The following SERPINB10 variants were observed in gnomAD, a reference collection of about 807,000 sequenced individuals.
The protein encoded by SERPINB10 is serpin family B member 10, also known as serpin B10.
In SERPINB10, 35 loss-of-function variants were observed where a neutral mutation model predicts 39.1. The ratio of observed to expected loss-of-function variants is 0.90; its 90% CI spans 0.68 to 1.19. SERPINB10 has a LOEUF of 1.19. Ranked by LOEUF, SERPINB10 falls within the 50% of genes most tolerant of loss-of-function variation. The pLI is 0.00. For missense variants in SERPINB10, 546 were observed against 460.5 expected (o/e 1.19, Z -1.70); for synonymous variants, 190 against 158.1 (o/e 1.20, Z -1.52).
rs1373781080 is a variant in SERPINB10 at position 63,933,177 on chromosome 18, C to A, written c.763C>A (p.Pro255Thr). Residue 255 changes from proline (P) to threonine (T), a missense_variant, in exon 7 of 8, where the codon CCA becomes ACA. Coordinates refer to ENST00000238508, the MANE Select transcript of SERPINB10 (RefSeq NM_005024.3). ...TGACCTCAGCCTGCTTATACTACTG[C>A]CAGAAGACATTAATGGGCTGGAACA... ...SRDLSLLILL[P>T]EDINGLEQLE... 6.2e-7 allele frequency: 1 copy of A among 1,613,958 alleles called. No homozygotes were observed. Among genetic ancestry groups the A allele is most frequent in the Non-Finnish European group, 8.5e-7 (1 of 1,179,926 alleles).
rs1393300464 is a variant in SERPINB10, at chr18:63,918,135, AAAAG to A, written c.372+39_372+42del. The stretch of plus-strand genomic sequence containing the variant: ...CAAATGTCTTATTTTAAGCTAATGG[AAAAG>A]AAAGAGCAATGTGAGACCAATCAGT... On this transcript the variant is annotated intron_variant, in intron 4 of 7. Transcript: ENST00000238508. 6.2e-6 allele frequency: 10 copies of A among 1,608,148 alleles called. No individual in the cohort carries two copies. The South Asian group carries it at 1.1e-4, about 18-fold the overall frequency.
At chr18:63,926,258 A>G (rs1329589866) in intron 5 of SERPINB10, among the ~76,000 whole-genome samples, 1 of 151,862 alleles carries the variant, frequency 6.6e-6, no homozygotes, top group Non-Finnish European at 1.5e-5. Flanking sequence ...GCATTGGTAC[A>G]TGGCTTCCTC....
chr18:63,908,137 C>G (rs2050038798), intron 1 of SERPINB10, 97 bp downstream of exon 1: 1 of 215,732 alleles, frequency 4.6e-6, no homozygotes, highest in Non-Finnish European at 1.1e-5. Flanking sequence ...CCCCTTCCCC[C>G]AAAAAAGTCC....
intron 1 of SERPINB10, among the ~76,000 whole-genome samples, chr18:63,912,618 G>T (rs935912850): frequency 1.8e-4 from 27 of 152,084 alleles, no homozygotes; most frequent in Admixed American, 1.4e-3. Flanking sequence ...TAGTACTCCA[G>T]GAACAAAGCC....
At position 63,934,953 on chromosome 18, in the gene SERPINB10, T is replaced by G. The variant is rs1391627554; in HGVS notation, c.905T>G (p.Leu302Arg). Reference sequence around the variant, plus strand: ...TTCAAGCTGGAAGACAGTTATGATCTCAAGTCAACCCTGAGCAGTATGGGG... The same window carrying G: ...TTCAAGCTGGAAGACAGTTATGATCGCAAGTCAACCCTGAGCAGTATGGGG... ...PKFKLEDSYD[L>R]KSTLSSMGMS... Residue 302 changes from leucine (L) to arginine (R), a missense_variant, in exon 8 of 8, where the codon CTC becomes CGC. Coordinates refer to ENST00000238508, the MANE Select transcript of SERPINB10 (RefSeq NM_005024.3). 6.2e-7 allele frequency: 1 copy of G among 1,614,222 alleles called. No homozygotes were observed. Among genetic ancestry groups the G allele is most frequent in the South Asian group, 1.1e-5 (1 of 91,088 alleles).
Position 63,935,039 on chromosome 18 carries a change from C to A in SERPINB10, c.991C>A (p.Leu331Ile). 6.2e-7 allele frequency: 1 copy of A among 1,614,136 alleles called. No individual in the cohort carries two copies. The highest frequency in any genetic ancestry group is 8.5e-7 in the Non-Finnish European group (1 of 1,179,994). ...CTCAGGAATGTCTTCAGCAAGAAAC[C>A]TATTTTTGTCCAATGTTTTCCATAA... ...DFSGMSSARN[L>I]FLSNVFHKAF... Residue 331 changes from leucine to isoleucine, a missense_variant, in exon 8 of 8, where the codon CTA (leucine) becomes ATA (isoleucine). Coordinates refer to ENST00000238508, the MANE Select transcript of SERPINB10 (RefSeq NM_005024.3).
At chr18:63,923,733 T>C (rs1326232376) in intron 5 of SERPINB10, among the ~76,000 whole-genome samples, 3 of 151,928 alleles carry the variant, frequency 2.0e-5, no homozygotes, top group Non-Finnish European at 4.4e-5. Flanking sequence ...TTTCATTCTG[T>C]CCCTTCTTGC....
chr18:63,934,153 T>A (rs1476925246), intron 7 of SERPINB10, among the ~76,000 whole-genome samples: 1 of 152,166 alleles, frequency 6.6e-6, no homozygotes, highest in Admixed American at 6.5e-5. Flanking sequence ...GCATGTGCAT[T>A]GAAACAAACA....
At chr18:63,933,664 ATTTG>A (rs1261566452) in intron 7 of SERPINB10, among the ~76,000 whole-genome samples, 1 of 152,204 alleles carries the variant, frequency 6.6e-6, no homozygotes, top group East Asian at 1.9e-4. Context: ...TCCAAAACTT[ATTTG>A]TTGAACATTT....
intron 1 of SERPINB10, among the ~76,000 whole-genome samples, chr18:63,913,762 T>A (rs1335919767): frequency 6.6e-6 from 1 of 151,900 alleles, no homozygotes; most frequent in Non-Finnish European, 1.5e-5. Context: ...ATGGCTGGAG[T>A]ATTCTGTAGA....
intron 5 of SERPINB10, among the ~76,000 whole-genome samples, chr18:63,922,641 G>A (rs2050154277): frequency 6.6e-6 from 1 of 151,954 alleles, no homozygotes; most frequent in Non-Finnish European, 1.5e-5. Flanking sequence ...ACATAAGCAT[G>A]GCTCTTAGGG....
Position 63,915,422 on chromosome 18 carries a change from A to G in SERPINB10, c.-9-80A>G, listed in dbSNP as rs555777405. ...GACAATGTATATGGATATGTATGCAACTATGAATACATATTTTTTCAAAGG... is the reference window on the plus strand; with the variant it reads ...GACAATGTATATGGATATGTATGCAGCTATGAATACATATTTTTTCAAAGG... On this transcript the variant is annotated intron_variant, in intron 1 of 7. Transcript: ENST00000238508. The G allele has an allele frequency of 3.0e-6, 3 of 1,014,492 alleles. No individual in the cohort carries two copies. In the African/African-American group the frequency reaches 4.9e-5, roughly 17 times the overall value. The allele number at this position is 1,014,492 out of a possible 1,614,324, so 62.8% of individuals were successfully genotyped here.
intron 5 of SERPINB10, among the ~76,000 whole-genome samples, chr18:63,925,417 A>G (rs73961819): frequency 0.01 from 1,553 of 152,106 alleles, 21 homozygotes; most frequent in African/African-American, 0.036. Context: ...AAATGGTGGT[A>G]ACAGAGCTGG....
At chr18:63,923,233 G>A (rs2050158770) in intron 5 of SERPINB10, among the ~76,000 whole-genome samples, 1 of 151,998 alleles carries the variant, frequency 6.6e-6, no homozygotes, top group African/African-American at 2.4e-5. Flanking sequence ...GGAGAAAGCT[G>A]TAATCCTTCT....
chr18:63,932,603 T>C (rs1308019378), intron 6 of SERPINB10, among the ~76,000 whole-genome samples: 2 of 152,202 alleles, frequency 1.3e-5, no homozygotes, highest in African/African-American at 4.8e-5. Flanking sequence ...GTTGAGTTTT[T>C]ATTATTGTCT....
chr18:63,917,493 A>T lies in SERPINB10; in HGVS notation c.206A>T (p.Asp69Val), dbSNP rs754000208. Residue 69 changes from aspartate to valine, a missense_variant, in exon 3 of 8, where the codon GAC becomes GTC. Transcript: ENST00000238508. ...AACAGAGACCAGGGAGTCAAATGTG[A>T]CCCTGAAAGTGAAAAAAAAAGGAAA... ...QFNRDQGVKC[D>V]PESEKKRKME... 7 of 1,580,368 alleles carry T rather than the reference A, an allele frequency of 4.4e-6. No homozygotes were observed. Among genetic ancestry groups the T allele is most frequent in the Non-Finnish European group, 6.0e-6 (7 of 1,163,204 alleles).
chr18:63,920,176 G>A (rs1050227197), intron 5 of SERPINB10, among the ~76,000 whole-genome samples: 2 of 151,596 alleles, frequency 1.3e-5, no homozygotes, highest in Admixed American at 6.6e-5. Flanking sequence ...AGAGCCCAAG[G>A]GTAAAAAGCA....
intron 5 of SERPINB10, among the ~76,000 whole-genome samples, chr18:63,924,151 G>A (rs1301641850): frequency 6.6e-6 from 1 of 151,930 alleles, no homozygotes; most frequent in Non-Finnish European, 1.5e-5. Context: ...GGTTTTCTGT[G>A]TGTCTTTTTG....
intron 5 of SERPINB10, among the ~76,000 whole-genome samples, chr18:63,923,834 C>A (rs1475489682): frequency 2.0e-5 from 3 of 151,688 alleles, no homozygotes; most frequent in Admixed American, 6.6e-5. Flanking sequence ...ATTGCTTTGC[C>A]CTTCTGTTAT....
Sources: gnomAD v4.1 joint callset for allele counts (sites outside exome capture counted in the v4.1 genomes callset) on GRCh38, gnomAD v4.1.1 for gene constraint, MANE v1.5 for transcripts, NCBI Gene and HGNC (gene_info 2026-07-23, HGNC 2026-07-21) for gene names.